ABR: variants seen among roughly 807,000 people sequenced by gnomAD.
ABR encodes ABR activator of RhoGEF and GTPase.
ABR carries 35 observed loss-of-function variants against 107.2 expected under a neutral mutation model. The ratio of observed to expected loss-of-function variants is 0.33; its 90% CI spans 0.25 to 0.43. ABR has a LOEUF of 0.43. ABR is among the 20% of genes least tolerant of loss of function. The pLI is 1.00. For missense variants in ABR, 815 were observed against 1,115.2 expected (o/e 0.73, Z 3.83); for synonymous variants, 498 against 462.0 (o/e 1.08, Z -1.00).
chr17:1,165,763 C>A (rs1320115810), intron 1 of ABR, among the ~76,000 whole-genome samples: 2 of 152,144 alleles, frequency 1.3e-5, no homozygotes, highest in Non-Finnish European at 2.9e-5. Flanking sequence ...GAACTCATGA[C>A]CTCAGGTGAT....
At position 1,013,128 on chromosome 17, in the gene ABR, T is replaced by C; in HGVS notation, c.1828A>G (p.Thr610Ala). Residue 610 changes from threonine (T) to alanine (A), a missense_variant, in exon 17 of 23, where the codon ACG becomes GCG. By Grantham distance (58) the Thr-to-Ala change is moderately conservative. Coordinates refer to ENST00000302538, the MANE Select transcript of ABR (RefSeq NM_021962.5). ...ACCCCGTTCATCTCAATCACGTCCG[T>C]GTGCCAGTTCTTGGTCTCCACGGTT... ...PQTVETKNWH[T>A]DVIEMNGIKV... 1 of 1,614,162 alleles carries C rather than the reference T, an allele frequency of 6.2e-7. No individual in the cohort carries two copies. The highest frequency in any genetic ancestry group is 8.5e-7 in the Non-Finnish European group (1 of 1,180,014).
chr17:1,193,639 T>C (rs2042484877), intron 1 of ABR, among the ~76,000 whole-genome samples: 1 of 152,146 alleles, frequency 6.6e-6, no homozygotes, highest in African/African-American at 2.4e-5. Context: ...CAGGGAGTAC[T>C]GGCAACTGAC....
At chr17:1,160,428 A>C (rs2041244424) in intron 1 of ABR, among the ~76,000 whole-genome samples, 2 of 152,214 alleles carry the variant, frequency 1.3e-5, no homozygotes, top group Non-Finnish European at 2.9e-5. Flanking sequence ...TCAGATGAGG[A>C]AACAGGCTCA....
At chr17:1,120,053 C>A (rs1421037965) in intron 2 of ABR, among the ~76,000 whole-genome samples, 1 of 152,110 alleles carries the variant, frequency 6.6e-6, no homozygotes, top group Non-Finnish European at 1.5e-5. Context: ...AACTACCATG[C>A]CCAGCTAATC....
intron 16 of ABR, among the ~76,000 whole-genome samples, chr17:1,025,581 A>C (rs752551730): frequency 1.6e-4 from 25 of 152,192 alleles, no homozygotes; most frequent in Non-Finnish European, 7.4e-5. Context: ...TCTGCCTCTG[A>C]GCACACCTGC....
chr17:1,203,859 G>C (rs2042735825), intron 1 of ABR, among the ~76,000 whole-genome samples: 1 of 152,194 alleles, frequency 6.6e-6, no homozygotes, highest in Non-Finnish European at 1.5e-5. Flanking sequence ...CCGCCAGGAC[G>C]TTCCGGTGGC....
chr17:1,206,839 C>G (rs1405754686), intron 1 of ABR, among the ~76,000 whole-genome samples: 1 of 152,110 alleles, frequency 6.6e-6, no homozygotes, highest in African/African-American at 2.4e-5. Flanking sequence ...CATCCCAGCA[C>G]TTTGGGAGAC....
rs374181056 is a variant in ABR, at chr17:1,125,351, C to T, written c.78G>A (p.Thr26=). 10 of 1,613,498 alleles carry T rather than the reference C, an allele frequency of 6.2e-6. No homozygotes were observed. The highest frequency in any genetic ancestry group is 4.0e-5 in the African/African-American group (3 of 74,938). The change falls in exon 2 of 23, where the codon ACG becomes ACA. Residue 26 remains threonine (T), a synonymous_variant. Coordinates refer to ENST00000302538, the MANE Select transcript of ABR (RefSeq NM_021962.5). The part of the protein sequence containing the change: ...DTLYSNFSYG[T]DEYDGEGNEE... ...CATTCCCCTCTCCGTCGTACTCGTC[C>T]GTCCCGTAGCTGAAGTCTGAGACAA...
At chr17:1,203,165 C>T (rs1167143772) in intron 1 of ABR, among the ~76,000 whole-genome samples, 2 of 152,134 alleles carry the variant, frequency 1.3e-5, no homozygotes, top group African/African-American at 2.4e-5. Context: ...GGATGACAGG[C>T]GTGAGCCATC....
chr17:1,005,266 A>G lies in ABR; in HGVS notation c.*814T>C. 2.5e-6 allele frequency: 1 copy of G among 398,248 alleles called. No homozygotes were observed. The highest frequency in any genetic ancestry group is 4.4e-5 in the Admixed American group (1 of 22,732). The allele number at this position is 398,248 out of a possible 1,614,324, so 24.7% of individuals were successfully genotyped here. A position where few individuals can be genotyped will look rare whatever the true frequency, so the allele number is the denominator to read the frequency against. ...GGAACTGAAAAGCAGTAGAAGAAAC[A>G]GTCAGAGATGCCTCACTGATAGACA... On this transcript the variant is annotated 3_prime_UTR_variant, in exon 23 of 23. Transcript: ENST00000302538.
intron 1 of ABR, among the ~76,000 whole-genome samples, chr17:1,225,361 G>T (rs1274197262): frequency 6.6e-6 from 1 of 151,802 alleles, no homozygotes; most frequent in Non-Finnish European, 1.5e-5. Context: ...AAGCTCTGAG[G>T]AAGCAACTCA....
rs2072319959 is a variant in ABR, at chr17:1,027,732, T to C, written c.1792-14568A>G. 6.6e-6 allele frequency among the ~76,000 whole-genome samples: 1 copy of C among 151,794 alleles called. No homozygotes were observed. Among genetic ancestry groups the C allele is most frequent in the Admixed American group, 6.6e-5 (1 of 15,246 alleles). ...AGCACTGTAGTCCCCTGTCTGTGGC[T>C]GAGGGGTCGCTATGGGGGTGTGTGT... On this transcript the variant is annotated intron_variant, in intron 16 of 22. Transcript: ENST00000302538. This position sits in a 1 kb window ranked among gnomAD's most constrained non-coding sequence, Gnocchi z 4.7.
Position 1,011,044 on chromosome 17 carries a change from G to T in ABR, c.2102-181C>A. The T allele has an allele frequency of 1.4e-6, 1 of 731,244 alleles. No individual in the cohort carries two copies. The highest frequency in any genetic ancestry group is 2.2e-6 in the Non-Finnish European group (1 of 453,948). The allele number at this position is 731,244 out of a possible 1,614,324, so 45.3% of individuals were successfully genotyped here. A position where few individuals can be genotyped will look rare whatever the true frequency, so the allele number is the denominator to read the frequency against. On this transcript the variant is annotated intron_variant, in intron 19 of 22. Coordinates refer to ENST00000302538, the MANE Select transcript of ABR (RefSeq NM_021962.5). This position sits in a 1 kb window ranked among gnomAD's most constrained non-coding sequence, Gnocchi z 4.8. ...TCGGCTCTGTGGGTCGGGGTTGGGG[G>T]AACAGGGAGAGATAGCCTGGGGGCC...
At chr17:1,167,757 C>T (rs943882623) in intron 1 of ABR, among the ~76,000 whole-genome samples, 5 of 152,352 alleles carry the variant, frequency 3.3e-5, no homozygotes, top group South Asian at 2.1e-4. Flanking sequence ...CATCCTATCA[C>T]GGAAGCCTTT....
chr17:1,067,852 A>G, intron 9 of ABR, among the ~76,000 whole-genome samples: 1 of 152,342 alleles, frequency 6.6e-6, no homozygotes, highest in South Asian at 2.1e-4. Flanking sequence ...ATGTGTGCTT[A>G]TTATTGCCAT....
Position 1,010,764 on chromosome 17 carries a change from G to A in ABR, c.2201C>T (p.Thr734Met), listed in dbSNP as rs1259062143. The A allele has an allele frequency of 7.4e-6, 12 of 1,613,724 alleles. No homozygotes were observed. Among genetic ancestry groups the A allele is most frequent in the East Asian group, 4.5e-5 (2 of 44,896 alleles). ...CATGAAGGCTGGGTAGAGTCGGTCC[G>A]TGAGGAGCGGCTCGGGCAGTTCCCG... is the stretch of plus-strand genomic sequence containing the variant. ...YFRELPEPLL[T>M]DRLYPAFMEG... The change falls in exon 20 of 23, where the codon ACG becomes ATG. Residue 734 changes from threonine (T) to methionine (M), a missense_variant. Coordinates refer to ENST00000302538, the MANE Select transcript of ABR (RefSeq NM_021962.5). The surrounding 1 kb of genome is among the most constrained non-coding windows in gnomAD (Gnocchi z 4.1).
At chr17:1,072,573 TCTC>T (rs1336611385) in intron 8 of ABR, 38 bp downstream of exon 8, 3 of 1,569,452 alleles carry the variant, frequency 1.9e-6, no homozygotes, top group African/African-American at 1.4e-5. Context: ...ACCTGATACT[TCTC>T]AGCCTGGGTG....
intron 1 of ABR, among the ~76,000 whole-genome samples, chr17:1,145,107 G>A (rs932237423): frequency 6.6e-6 from 1 of 152,132 alleles, no homozygotes; most frequent in Non-Finnish European, 1.5e-5. Flanking sequence ...TTGGGTTATC[G>A]GTATATTCTG....
intron 16 of ABR, among the ~76,000 whole-genome samples, chr17:1,031,132 C>T (rs2072700065): frequency 6.6e-6 from 1 of 152,152 alleles, no homozygotes; most frequent in South Asian, 2.1e-4. Flanking sequence ...CCCCCAGACC[C>T]GGCAGCATCT....
Sources: allele counts gnomAD v4.1 joint callset (sites outside exome capture counted in the v4.1 genomes callset), GRCh38; gene constraint gnomAD v4.1.1; non-coding constraint Gnocchi (gnomAD v3.1); transcripts MANE v1.5; gene names NCBI Gene and HGNC (gene_info 2026-07-23, HGNC 2026-07-21).